Variants in PLAAT2 observed in about 807,000 individuals in gnomAD.
PLAAT2 encodes the protein HRAS like suppressor 2.
A neutral mutation model predicts 12.8 loss-of-function variants in PLAAT2; 12 were observed. The observed-to-expected ratio is 0.94, with a 90% confidence interval of 0.60 to 1.52. PLAAT2 has a LOEUF of 1.52. PLAAT2 is among the 40% of genes most tolerant of loss of function. PLAAT2 has a pLI of 0.00. For synonymous variants in PLAAT2, 79 were observed against 86.8 expected (o/e 0.91, Z 0.50); for missense variants, 166 against 208.1 (o/e 0.80, Z 1.24).
intron 3 of PLAAT2, among the ~76,000 whole-genome samples, chr11:63,555,979 G>A (rs1006768386): frequency 3.9e-5 from 6 of 152,222 alleles, no homozygotes; most frequent in Non-Finnish European, 8.8e-5. Context: ...AAATTCTCCT[G>A]GCAGCAGAGA....
At chr11:63,564,426 C>T (rs967824958), upstream of PLAAT2, among the ~76,000 whole-genome samples, 7 of 152,046 alleles carry the variant, frequency 4.6e-5, no homozygotes, top group South Asian at 2.1e-4. Flanking sequence ...GGCATGGGGG[C>T]GAGGACCAAT....
Position 63,563,234 on chromosome 11 carries a change from A to G in PLAAT2, c.9+82T>C. 3.2e-6 allele frequency: 5 copies of G among 1,540,896 alleles called. No homozygotes were observed. The Middle Eastern group carries it at 5.1e-4, about 158-fold the overall frequency. ...TGTGCCCTCCATGCCAGAGCTGTAG[A>G]CCAACAAGAATACACATAATCATCA... On this transcript the variant is annotated intron_variant, in intron 1 of 3. Transcript: ENST00000255695.
At chr11:63,555,549 G>A (rs969959361) in intron 3 of PLAAT2, among the ~76,000 whole-genome samples, 4 of 152,114 alleles carry the variant, frequency 2.6e-5, no homozygotes, top group Non-Finnish European at 4.4e-5. Context: ...AAAATTAGCC[G>A]GGTGTGGTGG....
chr11:63,563,546 G>A (rs139830686), upstream of PLAAT2, among the ~76,000 whole-genome samples: 90 of 151,888 alleles, frequency 5.9e-4, no homozygotes, highest in African/African-American at 2.1e-3. Flanking sequence ...GTGAAACCCC[G>A]TCTCTCCTAA....
chr11:63,560,685 C>T (rs892713212), intron 1 of PLAAT2, among the ~76,000 whole-genome samples: 8 of 152,196 alleles, frequency 5.3e-5, no homozygotes, highest in Non-Finnish European at 1.2e-4. Flanking sequence ...ACACACCACT[C>T]CTTTGGGTGA....
At chr11:63,561,770 T>A (rs2017521313) in intron 1 of PLAAT2, among the ~76,000 whole-genome samples, 1 of 149,758 alleles carries the variant, frequency 6.7e-6, no homozygotes, top group Non-Finnish European at 1.5e-5. Flanking sequence ...AAATACCACA[T>A]GTTCCCCCCC....
chr11:63,563,109 GCAGCTGAGGCTGGGGAGCCTC>G (rs1291094550), intron 1 of PLAAT2, among the ~76,000 whole-genome samples, 186 bp downstream of exon 1: 1 of 152,176 alleles, frequency 6.6e-6, no homozygotes, highest in Non-Finnish European at 1.5e-5. Flanking sequence ...ACCCCATGCG[GCAGCTGAGGCTGGGGAGCCTC>G]CAGGGTCATA....
At chr11:63,561,690 G>A (rs918042936) in intron 1 of PLAAT2, among the ~76,000 whole-genome samples, 5 of 136,622 alleles carry the variant, frequency 3.7e-5, no homozygotes, top group Non-Finnish European at 6.2e-5. Flanking sequence ...ATTGGGTACC[G>A]AGTACACTGC....
intron 3 of PLAAT2, among the ~76,000 whole-genome samples, chr11:63,556,452 G>GT (rs2017467457): frequency 6.6e-6 from 1 of 152,038 alleles, no homozygotes; most frequent in Non-Finnish European, 1.5e-5. Flanking sequence ...GCTTTTAGAT[G>GT]TATGATAAGG....
intron 3 of PLAAT2, among the ~76,000 whole-genome samples, 194 bp from the exon 4 acceptor site, chr11:63,553,259 G>C (rs1394351282): frequency 1.3e-5 from 2 of 151,950 alleles, no homozygotes; most frequent in African/African-American, 4.8e-5. Flanking sequence ...GAGATGTCTG[G>C]TGGGCACAGA....
In PLAAT2 at chr11:63,558,624, G is replaced by A; in HGVS notation, c.155C>T (p.Ser52Phe). ...CACTATGGCTTTGTTGGTCAGGGCA[G>A]ACAGGACACTGGCCGCACCAGCTCC... ...IAGAGAASVL[S>F]ALTNKAIVKK... is the part of the protein sequence containing the mutation. Residue 52 changes from serine (S) to phenylalanine (F), a missense_variant, in exon 3 of 4, where the codon TCT (serine) becomes TTT (phenylalanine). Physicochemically the swap from Ser to Phe is radical, Grantham distance 155. Transcript: ENST00000255695. The A allele has an allele frequency of 6.2e-7, 1 of 1,614,238 alleles. No homozygotes were observed. The highest frequency in any genetic ancestry group is 8.5e-7 in the Non-Finnish European group (1 of 1,180,034).
upstream of PLAAT2, among the ~76,000 whole-genome samples, chr11:63,564,765 T>A (rs556895185): frequency 6.6e-5 from 10 of 152,286 alleles, no homozygotes; most frequent in South Asian, 2.1e-3. Flanking sequence ...TTGCTGATCA[T>A]CTTTTTAGGG....
intron 3 of PLAAT2, among the ~76,000 whole-genome samples, chr11:63,553,803 C>T (rs1037981268): frequency 1.3e-5 from 2 of 152,188 alleles, no homozygotes; most frequent in Non-Finnish European, 2.9e-5. Context: ...TCTCACTACA[C>T]AGGCTTGAGG....
At chr11:63,564,068 G>A (rs1565241714), upstream of PLAAT2, among the ~76,000 whole-genome samples, 1 of 152,182 alleles carries the variant, frequency 6.6e-6, no homozygotes, top group Non-Finnish European at 1.5e-5. Flanking sequence ...GCCGGGACAG[G>A]CAAACATTTC....
At position 63,553,006 on chromosome 11, in the gene PLAAT2, A is replaced by T. The variant is rs371617772; in HGVS notation, c.447T>A (p.Leu149=). Residue 149 remains leucine, a synonymous_variant, in exon 4 of 4, where the codon CTT becomes CTA. Coordinates refer to ENST00000255695, the MANE Select transcript of PLAAT2 (RefSeq NM_017878.2). The part of the protein sequence containing the change: ...VAAGLLAAAS[L]VGILLARSKR... ...TGCTTCTGGCCAGCAGGATCCCCACAAGGCTTGCGGCAGCCAGCAGGCCTG... is the reference window on the plus strand; with the variant it reads ...TGCTTCTGGCCAGCAGGATCCCCACTAGGCTTGCGGCAGCCAGCAGGCCTG... 1.2e-6 allele frequency: 2 copies of T among 1,613,880 alleles called. No individual in the cohort carries two copies. Among genetic ancestry groups the T allele is most frequent in the African/African-American group, 2.7e-5 (2 of 74,900 alleles).
chr11:63,557,294 G>A (rs1038057328), intron 3 of PLAAT2, among the ~76,000 whole-genome samples: 1 of 152,194 alleles, frequency 6.6e-6, no homozygotes, highest in Non-Finnish European at 1.5e-5. Context: ...GGGAGGCCGA[G>A]TCAAGGGGAT....
chr11:63,556,850 A>C (rs1336365102), intron 3 of PLAAT2, among the ~76,000 whole-genome samples: 1 of 152,244 alleles, frequency 6.6e-6, no homozygotes, highest in Non-Finnish European at 1.5e-5. Flanking sequence ...TCAGAAAGGA[A>C]TATGCAACCA....
intron 3 of PLAAT2, among the ~76,000 whole-genome samples, chr11:63,556,481 C>T (rs1360899033): frequency 3.9e-5 from 6 of 152,092 alleles, no homozygotes; most frequent in African/African-American, 1.4e-4. Flanking sequence ...CCCCAATCCC[C>T]TTCCGACACC....
At chr11:63,558,697 G>C (rs781045839) in intron 2 of PLAAT2, 37 bp from the exon 3 acceptor site, 3 of 1,606,012 alleles carry the variant, frequency 1.9e-6, no homozygotes, top group South Asian at 1.1e-5. Context: ...GGCAGGGCCT[G>C]GGGGGCTCAG....
Sources: allele counts gnomAD v4.1 joint callset (sites outside exome capture counted in the v4.1 genomes callset), GRCh38; gene constraint gnomAD v4.1.1; transcripts MANE v1.5; gene names NCBI Gene and HGNC (gene_info 2026-07-23, HGNC 2026-07-21).